The following DPP6 variants were observed in gnomAD, a reference collection of about 807,000 sequenced individuals.
DPP6 encodes A-type potassium channel modulatory protein DPP6.
In DPP6, 69 loss-of-function variants were observed where a neutral mutation model predicts 122.6. The observed-to-expected ratio is 0.56, with a 90% confidence interval of 0.46 to 0.69. DPP6 has a LOEUF of 0.69. Ranked by LOEUF, DPP6 falls within the 30% of genes least tolerant of loss-of-function variation. The pLI, the probability that DPP6 is intolerant of heterozygous loss-of-function variation, is 0.00. For missense variants in DPP6, 928 were observed against 1,116.9 expected, an observed-to-expected ratio of 0.83 and a Z score of 2.41; for synonymous variants, 418 against 433.1, an observed-to-expected ratio of 0.97 and a Z score of 0.43.
intron 17 of DPP6, among the ~76,000 whole-genome samples, chr7:154,860,067 G>GTCTT (rs1023217238): frequency 7.2e-5 from 11 of 152,132 alleles, no homozygotes; most frequent in African/African-American, 2.7e-4. Flanking sequence ...CTTCATTTGG[G>GTCTT]TCTTTGTAAG....
intron 1 of DPP6, among the ~76,000 whole-genome samples, chr7:154,038,220 C>T (rs1585212940): frequency 6.8e-6 from 1 of 146,438 alleles, no homozygotes; most frequent in East Asian, 2.0e-4. Context: ...CCGTGACAAA[C>T]ACTGGTTATG....
At chr7:153,911,623 A>G (rs1800097023) in intron 1 of DPP6, among the ~76,000 whole-genome samples, 1 of 152,200 alleles carries the variant, frequency 6.6e-6, no homozygotes, top group Admixed American at 6.5e-5. Context: ...GATAGTACAG[A>G]TTGGTAATTT....
chr7:154,121,649 G>A (rs2150607092), intron 1 of DPP6, among the ~76,000 whole-genome samples: 1 of 152,314 alleles, frequency 6.6e-6, no homozygotes, highest in East Asian at 1.9e-4. Context: ...CTTTGTGTGA[G>A]TTGATTTCAA....
intron 1 of DPP6, among the ~76,000 whole-genome samples, chr7:154,396,266 A>C (rs2151175908): frequency 6.6e-6 from 1 of 152,290 alleles, no homozygotes; most frequent in Non-Finnish European, 1.5e-5. Flanking sequence ...CAGATGAGAA[A>C]CCAGGGCTGA....
chr7:154,233,073 A>G (rs534859357), intron 1 of DPP6, among the ~76,000 whole-genome samples: 2 of 152,358 alleles, frequency 1.3e-5, no homozygotes, highest in East Asian at 3.9e-4. Flanking sequence ...GAAGCTCACA[A>G]ATGAAACTGT....
intron 8 of DPP6, among the ~76,000 whole-genome samples, chr7:154,728,517 T>C (rs1842181310): frequency 6.6e-6 from 1 of 152,222 alleles, no homozygotes; most frequent in Non-Finnish European, 1.5e-5. Context: ...TGACCCTTCA[T>C]CGTAACAATA....
At chr7:154,389,025 T>C (rs1406197701) in intron 1 of DPP6, among the ~76,000 whole-genome samples, 1 of 152,156 alleles carries the variant, frequency 6.6e-6, no homozygotes, top group African/African-American at 2.4e-5. Context: ...AGACCTGCTG[T>C]AGTTTAAGCT....
At chr7:154,799,264 C>T (rs577922931) in intron 12 of DPP6, among the ~76,000 whole-genome samples, 6 of 152,286 alleles carry the variant, frequency 3.9e-5, no homozygotes, top group African/African-American at 7.2e-5. Context: ...ATCCTCAGTA[C>T]GGTCACCCGC....
intron 5 of DPP6, among the ~76,000 whole-genome samples, chr7:154,629,588 G>A (rs1470680423): frequency 1.3e-5 from 2 of 150,250 alleles, no homozygotes; most frequent in East Asian, 2.0e-4. Flanking sequence ...TCTGACTCTG[G>A]GCTCATCTAC....
intron 3 of DPP6, among the ~76,000 whole-genome samples, chr7:154,503,042 A>G (rs751057690): frequency 6.6e-6 from 1 of 152,144 alleles, no homozygotes; most frequent in Non-Finnish European, 1.5e-5. Context: ...GGACGGTTCT[A>G]TGTGTGGTCC....
In DPP6 at chr7:154,107,193, A is replaced by C. The variant is rs562214084; in HGVS notation, c.243+54130A>C. ...GGATATGGAAACATTCCCTGTGCTC[A>C]TCCACAGATGAATGGATAAGAAACG... On this transcript the variant is annotated intron_variant, in intron 1 of 25. Coordinates refer to ENST00000377770, the MANE Select transcript of DPP6 (RefSeq NM_130797.4). Among the ~76,000 whole-genome samples, 3 of 152,350 alleles carry C rather than the reference A, an allele frequency of 2.0e-5. No individual in the cohort carries two copies. The South Asian group carries it at 6.2e-4, about 32-fold the overall frequency.
chr7:154,336,420 A>C (rs1042507714), intron 1 of DPP6, among the ~76,000 whole-genome samples: 1 of 152,150 alleles, frequency 6.6e-6, no homozygotes, highest in Non-Finnish European at 1.5e-5. Context: ...TGATAGCAGC[A>C]GGTGCCGTGG....
intron 1 of DPP6, among the ~76,000 whole-genome samples, chr7:154,428,843 G>A (rs1298400466): frequency 2.0e-4 from 30 of 152,058 alleles, no homozygotes; most frequent in Non-Finnish European, 7.4e-5. Flanking sequence ...TTGGAGACTC[G>A]CAAGTGGGGA....
chr7:154,443,366 AT>A (rs547314602), intron 1 of DPP6, among the ~76,000 whole-genome samples: 157 of 151,442 alleles, frequency 1.0e-3, no homozygotes, highest in African/African-American at 3.7e-3. Context: ...GAAAAAAAAA[AT>A]GAAAGCCATT....
intron 10 of DPP6, 118 bp from the exon 11 acceptor site, chr7:154,793,961 C>A: frequency 1.4e-6 from 2 of 1,443,794 alleles, no homozygotes; most frequent in Non-Finnish European, 1.8e-6. Context: ...CTGGCTGTGT[C>A]ACCACTGGCT....
intron 23 of DPP6, among the ~76,000 whole-genome samples, chr7:154,888,389 C>T (rs976575782): frequency 3.3e-5 from 5 of 152,106 alleles, no homozygotes; most frequent in African/African-American, 9.7e-5. Flanking sequence ...ACCCCTGGTC[C>T]GAGAGTGAGC....
the DPP6 span, among the ~76,000 whole-genome samples, chr7:153,879,030 A>G: frequency 6.6e-6 from 1 of 152,152 alleles, no homozygotes; most frequent in Non-Finnish European, 1.5e-5. Flanking sequence ...AAAAGTAAGT[A>G]ATGGCGGCCC....
intron 1 of DPP6, among the ~76,000 whole-genome samples, chr7:154,060,387 G>T (rs1242213063): frequency 4.6e-4 from 49 of 106,896 alleles, no homozygotes; most frequent in South Asian, 6.3e-4. Context: ...TCCCCCACTG[G>T]CTCTTAGGAC....
chr7:154,491,315 G>T (rs765494235), intron 3 of DPP6, among the ~76,000 whole-genome samples: 2 of 152,176 alleles, frequency 1.3e-5, no homozygotes, highest in East Asian at 1.9e-4. Flanking sequence ...GCTGCTGTGC[G>T]TTAGCAACAA....
Sources: allele counts gnomAD v4.1 joint callset (sites outside exome capture counted in the v4.1 genomes callset), GRCh38; gene constraint gnomAD v4.1.1; transcripts MANE v1.5; gene names NCBI Gene and HGNC (gene_info 2026-07-23, HGNC 2026-07-21).